Variants in AFMID observed in about 807,000 individuals in gnomAD.
AFMID encodes arylformamidase.
A neutral mutation model predicts 47.5 loss-of-function variants in AFMID; 39 were observed. The ratio of observed to expected loss-of-function variants is 0.82; its 90% CI spans 0.64 to 1.07. AFMID has a LOEUF of 1.07. AFMID is among the 50% of genes least tolerant of loss of function. AFMID has a pLI of 0.00. For missense variants in AFMID, 375 were observed against 387.5 expected (o/e 0.97, Z 0.27); for synonymous variants, 130 against 153.2 (o/e 0.85, Z 1.12).
chr17:78,197,410 A>G (rs1029408077), intron 2 of AFMID: 3 of 536,758 alleles, frequency 5.6e-6, no homozygotes, highest in African/African-American at 1.9e-5. Flanking sequence ...TTGTGGTAGC[A>G]TGGCCTGGGA....
intron 2 of AFMID, among the ~76,000 whole-genome samples, chr17:78,195,259 A>G (rs1230478146): frequency 6.6e-6 from 1 of 151,096 alleles, no homozygotes; most frequent in Non-Finnish European, 1.5e-5. Flanking sequence ...CAGTGGTGCT[A>G]TGTCATCTCA....
At chr17:78,190,419 G>C (rs1160067327) in intron 1 of AFMID, among the ~76,000 whole-genome samples, 1 of 152,062 alleles carries the variant, frequency 6.6e-6, no homozygotes, top group South Asian at 2.1e-4. Flanking sequence ...TTTTGAGGTA[G>C]AGTCTTGCTC....
At chr17:78,195,746 C>T (rs2076096402) in intron 2 of AFMID, among the ~76,000 whole-genome samples, 3 of 148,326 alleles carry the variant, frequency 2.0e-5, no homozygotes, top group South Asian at 2.1e-4. Context: ...AGGTCATCTG[C>T]CCGCCTCCCA....
intron 2 of AFMID, chr17:78,197,302 T>C (rs951386577): frequency 1.8e-5 from 22 of 1,243,730 alleles, no homozygotes; most frequent in Non-Finnish European, 2.2e-5. Flanking sequence ...CAAATGCGTC[T>C]GCCTTTTGAC....
chr17:78,205,902 C>T (rs1418701148), intron 9 of AFMID, 44 bp from the exon 10 acceptor site: 1 of 1,603,048 alleles, frequency 6.2e-7, no homozygotes, highest in Non-Finnish European at 8.5e-7. Flanking sequence ...CCCCACCTCC[C>T]CTCCCACTGC....
rs199993168 is a variant in AFMID at position 78,193,370 on chromosome 17, CAAAAAA to C, written c.154+2333_154+2338del. Among the ~76,000 whole-genome samples, 18 of 68,946 alleles carry C rather than the reference CAAAAAA, an allele frequency of 2.6e-4. No homozygotes were observed. The South Asian group carries it at 8.2e-3, about 31-fold the overall frequency. The allele number at this position is 68,946 out of a possible 152,430, so 45.2% of individuals were successfully genotyped here. ...TGGGCGACAGAGCGAGACTCTGTCTCAAAAAAAAAAAAAAAAAAAAAAAAAAAAGCT... is the reference window on the plus strand; with the variant it reads ...TGGGCGACAGAGCGAGACTCTGTCTCAAAAAAAAAAAAAAAAAAAAAAGCT... On this transcript the variant is annotated intron_variant, in intron 2 of 10. Transcript: ENST00000409257.
intron 1 of AFMID, among the ~76,000 whole-genome samples, chr17:78,187,925 C>T (rs1246302922): frequency 7.3e-6 from 1 of 137,302 alleles, no homozygotes; most frequent in East Asian, 2.3e-4. Flanking sequence ...TGTACTCCAG[C>T]CTGGAAGGCT....
chr17:78,205,550 C>T (rs891915280), intron 8 of AFMID, 32 bp downstream of exon 8: 4 of 1,614,000 alleles, frequency 2.5e-6, no homozygotes, highest in African/African-American at 2.7e-5. Flanking sequence ...TCCCCTGGCT[C>T]ACCAGGAGCC....
chr17:78,207,249 C>T lies in AFMID; in HGVS notation c.*312C>T, dbSNP rs564657322. The T allele has an allele frequency of 4.9e-4, 147 of 302,846 alleles. No homozygotes were observed. Among genetic ancestry groups the T allele is most frequent in the Middle Eastern group, 2.0e-3 (2 of 990 alleles). 18.8% of individuals were successfully genotyped at this position (302,846 alleles called of 1,614,324 possible). ...TGCTGACAGAGCATGACAAAGATGA[C>T]GCTCAAAAGTAATGCCATTACTTCT... On this transcript the variant is annotated 3_prime_UTR_variant, in exon 11 of 11. Coordinates refer to ENST00000409257, the MANE Select transcript of AFMID (RefSeq NM_001010982.5).
chr17:78,204,639 T>C lies in AFMID; in HGVS notation c.309-17T>C. On this transcript the variant is annotated splice_polypyrimidine_tract_variant and intron_variant, in intron 4 of 10. Coordinates refer to ENST00000409257, the MANE Select transcript of AFMID (RefSeq NM_001010982.5). ...GGCCAAGCTGCCTCCAGCTGTCACA[T>C]CTGTGTGTCTCTGCAGTAAGGATGA... 6.2e-7 allele frequency: 1 copy of C among 1,614,004 alleles called. No homozygotes were observed. The highest frequency in any genetic ancestry group is 1.1e-5 in the South Asian group (1 of 91,070).
At chr17:78,190,487 A>T in intron 1 of AFMID, among the ~76,000 whole-genome samples, 1 of 151,744 alleles carries the variant, frequency 6.6e-6, no homozygotes, top group Admixed American at 6.6e-5. Flanking sequence ...TCCACCTCCC[A>T]GGCTTAAGCA....
At position 78,187,362 on chromosome 17, in the gene AFMID, G is replaced by A. The variant is rs770155744; in HGVS notation, c.-9G>A. 18 of 1,613,860 alleles carry A rather than the reference G, an allele frequency of 1.1e-5. 1 individual carries two copies. Among genetic ancestry groups the A allele is most frequent in the Non-Finnish European group, 1.3e-5 (15 of 1,179,918 alleles). On this transcript the variant is annotated 5_prime_UTR_variant, in exon 1 of 11. Coordinates refer to ENST00000409257, the MANE Select transcript of AFMID (RefSeq NM_001010982.5). Reference sequence around the variant, plus strand: ...CAGAGGGACGCACGCCCATGCGGCTGTAGACGCCATGATGGATGTGTCTGG... The same window carrying A: ...CAGAGGGACGCACGCCCATGCGGCTATAGACGCCATGATGGATGTGTCTGG...
At chr17:78,192,731 AC>A (rs1271747032) in intron 2 of AFMID, 1 of 461,834 alleles carries the variant, frequency 2.2e-6, no homozygotes, top group Non-Finnish European at 4.5e-6. Flanking sequence ...CGATCTGAAC[AC>A]CTGGTAATGC....
intron 10 of AFMID, 133 bp downstream of exon 10, chr17:78,206,183 A>G (rs1282325246): frequency 1.7e-5 from 12 of 720,442 alleles, no homozygotes; most frequent in Admixed American, 1.2e-4. Flanking sequence ...TAAAAATACA[A>G]AACAAATTAG....
rs180866154 is a variant in AFMID, at chr17:78,191,792, C to T, written c.154+732C>T. The stretch of plus-strand genomic sequence containing the variant: ...GCAACCTCTGCTTCCCGGGTTCAAG[C>T]GATTCTCCTGACTCAGCTTCCTGAG... On this transcript the variant is annotated intron_variant, in intron 2 of 10. Transcript: ENST00000409257. Among the ~76,000 whole-genome samples, 490 of 149,692 alleles carry T rather than the reference C, an allele frequency of 3.3e-3. 2 individuals carry two copies. The highest frequency in any genetic ancestry group is 3.9e-3 in the Non-Finnish European group (265 of 67,448).
intron 2 of AFMID, among the ~76,000 whole-genome samples, chr17:78,201,870 A>G (rs1335985112): frequency 6.6e-6 from 1 of 151,660 alleles, no homozygotes; most frequent in East Asian, 2.0e-4. Context: ...AGCTGGGACT[A>G]CAGGCACCTG....
intron 2 of AFMID, chr17:78,197,414 C>T (rs1567848425): frequency 1.9e-6 from 1 of 522,866 alleles, no homozygotes; most frequent in Non-Finnish European, 3.3e-6. Context: ...GGTAGCATGG[C>T]CTGGGAGACA....
At chr17:78,204,799 C>A (rs2076334311) in intron 5 of AFMID, 29 bp from the exon 6 acceptor site, 1 of 1,614,184 alleles carries the variant, frequency 6.2e-7, no homozygotes, top group East Asian at 2.2e-5. Context: ...GGAAGTGCAT[C>A]CCTGACCCAG....
At chr17:78,198,224 G>C (rs2145863143) in intron 2 of AFMID, among the ~76,000 whole-genome samples, 1 of 151,866 alleles carries the variant, frequency 6.6e-6, no homozygotes, top group South Asian at 2.1e-4. Flanking sequence ...GTGAAACCGT[G>C]TCTCAAAAAT....
Sources: gnomAD v4.1 joint callset for allele counts (sites outside exome capture counted in the v4.1 genomes callset) on GRCh38, gnomAD v4.1.1 for gene constraint, MANE v1.5 for transcripts, NCBI Gene and HGNC (gene_info 2026-07-23, HGNC 2026-07-21) for gene names.